NAALADL2: variants seen among roughly 807,000 people sequenced by gnomAD.
NAALADL2 encodes N-acetylated alpha-linked acidic dipeptidase like 2, also known as inactive N-acetylated-alpha-linked acidic dipeptidase-like protein 2.
NAALADL2 carries 76 observed loss-of-function variants against 87.2 expected under a neutral mutation model. That is an observed-to-expected ratio of 0.87 (90% CI 0.72 to 1.05). NAALADL2 has a LOEUF of 1.05. Among genes scored for constraint, NAALADL2 ranks in the 50% least tolerant of loss-of-function variants. NAALADL2 has a pLI of 0.00. For missense variants in NAALADL2, 1,089 were observed against 945.8 expected (o/e 1.15, Z -1.99); for synonymous variants, 354 against 331.0 (o/e 1.07, Z -0.75).
intron 10 of NAALADL2, among the ~76,000 whole-genome samples, chr3:175,588,851 A>G (rs1720961016): frequency 6.6e-6 from 1 of 152,012 alleles, no homozygotes; most frequent in Non-Finnish European, 1.5e-5. Context: ...AGACTTTCTA[A>G]GCAAAGAAAT....
chr3:175,626,755 C>A (rs368606684), intron 10 of NAALADL2, among the ~76,000 whole-genome samples: 45 of 151,916 alleles, frequency 3.0e-4, no homozygotes, highest in African/African-American at 1.0e-3. Context: ...TTGCTTTTAT[C>A]TTTCCACCTC....
At chr3:174,787,671 A>T (rs1375337946) in intron 3 of NAALADL2, among the ~76,000 whole-genome samples, 11 of 135,074 alleles carry the variant, frequency 8.1e-5, no homozygotes, top group African/African-American at 1.9e-4. Flanking sequence ...TATATTTCAA[A>T]ACTGGACTTT....
At chr3:175,398,076 G>A (rs191183631) in intron 5 of NAALADL2, among the ~76,000 whole-genome samples, 86 of 152,216 alleles carry the variant, frequency 5.6e-4, no homozygotes, top group African/African-American at 1.9e-3. Context: ...GACTTTTCTT[G>A]TTAAATATTT....
chr3:175,297,824 A>T (rs1419424921), intron 4 of NAALADL2, among the ~76,000 whole-genome samples: 1 of 152,188 alleles, frequency 6.6e-6, no homozygotes, highest in Non-Finnish European at 1.5e-5. Flanking sequence ...ACTTTCAGAG[A>T]AGCAATGGGC....
At chr3:175,386,805 T>C (rs1035729452) in intron 5 of NAALADL2, among the ~76,000 whole-genome samples, 2 of 152,120 alleles carry the variant, frequency 1.3e-5, no homozygotes, top group African/African-American at 4.8e-5. Context: ...TTAGTCACTC[T>C]GTAGCCATCT....
At chr3:174,538,510 T>C (rs1721928749) in intron 1 of NAALADL2, among the ~76,000 whole-genome samples, 2 of 152,154 alleles carry the variant, frequency 1.3e-5, no homozygotes. Flanking sequence ...ACTTGACATA[T>C]TTTGAAATGA....
At chr3:175,778,513 T>C (rs1247186167) in intron 13 of NAALADL2, among the ~76,000 whole-genome samples, 1 of 152,192 alleles carries the variant, frequency 6.6e-6, no homozygotes, top group Non-Finnish European at 1.5e-5. Flanking sequence ...TCTGTGTTAC[T>C]AAGGACAAAG....
chr3:175,786,528 C>T (rs539579062), intron 13 of NAALADL2, among the ~76,000 whole-genome samples: 4,474 of 152,150 alleles, frequency 0.029, 83 homozygotes, highest in South Asian at 0.06. Flanking sequence ...ACGTAGTTCT[C>T]GAGCCTTGGT....
At chr3:174,788,630 C>T (rs1015362040) in intron 3 of NAALADL2, among the ~76,000 whole-genome samples, 1 of 152,138 alleles carries the variant, frequency 6.6e-6, no homozygotes, top group African/African-American at 2.4e-5. Context: ...AAGGCCCTAT[C>T]TCCAAATACA....
chr3:174,774,896 A>G lies in NAALADL2; in HGVS notation c.-9+37150A>G, dbSNP rs565889936. On this transcript the variant is annotated intron_variant, in intron 3 of 3. Transcript: ENST00000434257. Reference sequence around the variant, plus strand: ...AACCTTATGATTACACTTTATCTGGATTTAATTTAATGATTTTACATACTT... The same window carrying G: ...AACCTTATGATTACACTTTATCTGGGTTTAATTTAATGATTTTACATACTT... 5.3e-5 allele frequency among the ~76,000 whole-genome samples: 8 copies of G among 152,258 alleles called. No individual in the cohort carries two copies. In the South Asian group the frequency reaches 1.0e-3, roughly 20 times the overall value.
intron 3 of NAALADL2, among the ~76,000 whole-genome samples, chr3:174,778,601 T>C (rs1178722872): frequency 3.9e-5 from 6 of 152,082 alleles, no homozygotes; most frequent in African/African-American, 7.2e-5. Flanking sequence ...CTACATTGTG[T>C]ATGTCTCCTA....
chr3:175,582,003 A>C (rs1719852768), intron 10 of NAALADL2, among the ~76,000 whole-genome samples: 1 of 152,194 alleles, frequency 6.6e-6, no homozygotes, highest in Non-Finnish European at 1.5e-5. Context: ...CACTGTCATA[A>C]ACTGTGCTTC....
chr3:175,502,678 A>G (rs1729724357), intron 9 of NAALADL2, among the ~76,000 whole-genome samples: 1 of 123,854 alleles, frequency 8.1e-6, no homozygotes, highest in Non-Finnish European at 1.8e-5. Flanking sequence ...CGTTATAATA[A>G]ATGTCTCTCT....
rs151317990 is a variant in NAALADL2, at chr3:175,575,871, G to A, written c.1654-170G>A. Reference sequence around the variant, plus strand: ...GGACAGTTACAATGCAGATTCCTGGGCTCTACCACCCATTAGGTAGGACAG... The same window carrying A: ...GGACAGTTACAATGCAGATTCCTGGACTCTACCACCCATTAGGTAGGACAG... On this transcript the variant is annotated intron_variant, in intron 9 of 13. Transcript: ENST00000454872. 1.9e-3 allele frequency among the ~76,000 whole-genome samples: 296 copies of A among 152,222 alleles called. 2 individuals are homozygous for A. Among genetic ancestry groups the A allele is most frequent in the African/African-American group, 6.8e-3 (284 of 41,536 alleles).
intron 13 of NAALADL2, chr3:175,776,401 G>A (rs1423304492): frequency 6.6e-6 from 1 of 151,660 alleles, no homozygotes; most frequent in African/African-American, 2.4e-5. Context: ...TTCTCTTATT[G>A]TTCCAACAAC....
chr3:175,173,312 A>T (rs202149566), intron 2 of NAALADL2, among the ~76,000 whole-genome samples: 8,433 of 50,278 alleles, frequency 0.17, 292 homozygotes, highest in African/African-American at 0.24. Flanking sequence ...AATAAATAAA[A>T]TAAATAAATA....
At chr3:175,244,375 G>C (rs979440781) in intron 3 of NAALADL2, among the ~76,000 whole-genome samples, 1 of 151,706 alleles carries the variant, frequency 6.6e-6, no homozygotes, top group East Asian at 1.9e-4. Flanking sequence ...CACTTTCTCT[G>C]TACCTCTTTT....
intron 1 of NAALADL2, among the ~76,000 whole-genome samples, chr3:174,509,568 ATTTTTTTTTTTTTTTTTT>A (rs145219498): frequency 0.037 from 2,999 of 80,272 alleles, 162 homozygotes; most frequent in African/African-American, 0.12. Flanking sequence ...CACCCAGCTA[ATTTTTTTTTTTTTTTTTT>A]TTTTTTTTTT....
At chr3:174,792,434 C>G (rs1291959380) in intron 3 of NAALADL2, among the ~76,000 whole-genome samples, 2 of 152,162 alleles carry the variant, frequency 1.3e-5, no homozygotes, top group Non-Finnish European at 2.9e-5. Flanking sequence ...GTTTTCATGT[C>G]AGCCTCTGTG....
Sources: gnomAD v4.1 joint callset for allele counts (sites outside exome capture counted in the v4.1 genomes callset) on GRCh38, gnomAD v4.1.1 for gene constraint, MANE v1.5 for transcripts, NCBI Gene and HGNC (gene_info 2026-07-23, HGNC 2026-07-21) for gene names.